Variants in RNF175 observed in about 807,000 individuals in gnomAD.
RNF175 encodes ring finger protein 175.
A neutral mutation model predicts 50.0 loss-of-function variants in RNF175; 38 were observed. The observed-to-expected ratio is 0.76, with a 90% CI of 0.59 to 1.00. The LOEUF (loss-of-function observed/expected upper bound fraction) is 1.00. Ranked by LOEUF, RNF175 falls within the 50% of genes least tolerant of loss-of-function variation. The pLI, the probability that RNF175 is intolerant of heterozygous loss-of-function variation, is 0.00. For synonymous variants in RNF175, 155 were observed against 146.1 expected (o/e 1.06, Z -0.44); for missense variants, 388 against 409.6 (o/e 0.95, Z 0.46).
chr4:153,715,564 G>A lies in RNF175; in HGVS notation c.729C>T (p.Leu243=). 4 of 1,611,030 alleles carry A rather than the reference G, an allele frequency of 2.5e-6. No individual in the cohort carries two copies. The highest frequency in any genetic ancestry group is 2.2e-5 in the South Asian group (2 of 90,484). The change falls in exon 7 of 9, where the codon CTC becomes CTT. Residue 243 remains leucine (L), a synonymous_variant. Coordinates refer to ENST00000347063, the MANE Select transcript of RNF175 (RefSeq NM_173662.4). The part of the protein sequence containing the change: ...KIIVELDEEG[L]IENTYQLSCN... ...AGGAAAGCTGGTAGGTGTTTTCAAT[G>A]AGCCCTTCTTCATCAAGCTCCACAA...
intron 4 of RNF175, among the ~76,000 whole-genome samples, chr4:153,723,892 G>A (rs555841377): frequency 6.6e-6 from 1 of 152,198 alleles, no homozygotes; most frequent in Non-Finnish European, 1.5e-5. Flanking sequence ...TCTTCCCCAG[G>A]AGTTTTTCTT....
At position 153,751,484 on chromosome 4, in the gene RNF175, C is replaced by G; in HGVS notation, c.67-9G>C. 1 of 1,552,994 alleles carries G rather than the reference C, an allele frequency of 6.4e-7. No homozygotes were observed. The highest frequency in any genetic ancestry group is 8.7e-7 in the Non-Finnish European group (1 of 1,147,814). The stretch of plus-strand genomic sequence containing the variant: ...AGCTTTGTATGAGAGAGCTGAAAAA[C>G]ATAAAAAGGGCCCTTATCAAAAAAT... On this transcript the variant is annotated splice_polypyrimidine_tract_variant and intron_variant, in intron 1 of 8. Coordinates refer to ENST00000347063, the MANE Select transcript of RNF175 (RefSeq NM_173662.4).
At chr4:153,746,068 G>A (rs1448171054) in intron 3 of RNF175, among the ~76,000 whole-genome samples, 1 of 152,162 alleles carries the variant, frequency 6.6e-6, no homozygotes, top group Non-Finnish European at 1.5e-5. Flanking sequence ...TCTAAATCAG[G>A]TATGGATGAG....
intron 7 of RNF175, chr4:153,713,894 A>G (rs2127086395): frequency 6.6e-6 from 1 of 152,354 alleles, no homozygotes; most frequent in South Asian, 2.1e-4. Context: ...AGAAATGTCC[A>G]CATTCTCTCT....
intron 6 of RNF175, among the ~76,000 whole-genome samples, chr4:153,719,345 C>T (rs894114999): frequency 6.6e-6 from 1 of 152,152 alleles, no homozygotes; most frequent in African/African-American, 2.4e-5. Flanking sequence ...TTTCTTTTTC[C>T]AGTCTATCAT....
intron 3 of RNF175, among the ~76,000 whole-genome samples, chr4:153,736,336 A>C (rs1739350690): frequency 6.6e-6 from 1 of 152,186 alleles, no homozygotes; most frequent in Admixed American, 6.5e-5. Flanking sequence ...TGTATAATTC[A>C]TTTTATACAT....
At chr4:153,712,075 T>C (rs1737624282) in intron 8 of RNF175, among the ~76,000 whole-genome samples, 2 of 152,328 alleles carry the variant, frequency 1.3e-5, no homozygotes, top group African/African-American at 4.8e-5. Flanking sequence ...CTAGTTCACA[T>C]TTCGGCTTTT....
intron 3 of RNF175, 186 bp downstream of exon 3, chr4:153,748,459 A>C: frequency 2.1e-6 from 1 of 485,314 alleles, no homozygotes; most frequent in Non-Finnish European, 3.5e-6. Flanking sequence ...AAGTCTTGAC[A>C]GTCAAAAATG....
At chr4:153,749,256 A>G (rs1222537985) in intron 2 of RNF175, among the ~76,000 whole-genome samples, 1 of 152,264 alleles carries the variant, frequency 6.6e-6, no homozygotes, top group Non-Finnish European at 1.5e-5. Flanking sequence ...AGGTTGTTGT[A>G]AGACTATAAA....
At chr4:153,744,195 G>A (rs1739840752) in intron 3 of RNF175, among the ~76,000 whole-genome samples, 1 of 152,200 alleles carries the variant, frequency 6.6e-6, no homozygotes, top group South Asian at 2.1e-4. Flanking sequence ...GCCAAGGCGG[G>A]TGGATCACCT....
intron 6 of RNF175, among the ~76,000 whole-genome samples, chr4:153,718,546 T>G (rs1053601965): frequency 3.3e-5 from 5 of 152,130 alleles, no homozygotes; most frequent in Admixed American, 3.3e-4. Flanking sequence ...CAAAAGCTGG[T>G]GCTTAAAGAC....
In RNF175 at chr4:153,712,131, C is replaced by G. The variant is rs189682135; in HGVS notation, c.866+344G>C. On this transcript the variant is annotated intron_variant, in intron 8 of 8. Coordinates refer to ENST00000347063, the MANE Select transcript of RNF175 (RefSeq NM_173662.4). ...TCTATTTATGCACCTATCTACCCAC[C>G]CATCCAGTTCACTCATTTATTCATC... Among the ~76,000 whole-genome samples, 454 of 152,248 alleles carry G rather than the reference C, an allele frequency of 3.0e-3. 5 individuals carry two copies. Among genetic ancestry groups the G allele is most frequent in the African/African-American group, 0.01 (431 of 41,536 alleles).
In RNF175 at chr4:153,720,241, T is replaced by G. The variant is rs1478455886; in HGVS notation, c.573A>C (p.Gly191=). ...TCTCGGCAAAGTCTCTCCCCATTAC[T>G]CCATAGTAGAGGCCGTAGAACAAAG... ...IVSLFYGLYY[G]VMGRDFAEIC... The change falls in exon 6 of 9, where the codon GGA becomes GGC. Residue 191 remains glycine (G), a synonymous_variant. Coordinates refer to ENST00000347063, the MANE Select transcript of RNF175 (RefSeq NM_173662.4). 6.2e-7 allele frequency: 1 copy of G among 1,612,126 alleles called. No homozygotes were observed. Among genetic ancestry groups the G allele is most frequent in the South Asian group, 1.1e-5 (1 of 90,982 alleles).
At chr4:153,735,044 T>C (rs1325677748) in intron 3 of RNF175, among the ~76,000 whole-genome samples, 2 of 152,150 alleles carry the variant, frequency 1.3e-5, no homozygotes, top group African/African-American at 4.8e-5. Context: ...ATTTATATTT[T>C]CTCTCATGGA....
chr4:153,726,207 T>G (rs1166311505), intron 4 of RNF175, among the ~76,000 whole-genome samples: 1 of 152,016 alleles, frequency 6.6e-6, no homozygotes, highest in Non-Finnish European at 1.5e-5. Flanking sequence ...TGGGTTCAAG[T>G]GATTCTCCTG....
intron 7 of RNF175, chr4:153,713,944 C>T (rs1737748706): frequency 6.6e-6 from 1 of 152,216 alleles, no homozygotes. Flanking sequence ...TGCTGAAAAA[C>T]TTGCACACTG....
rs781712674 is a variant in RNF175 at position 153,712,486 on chromosome 4, C to A, written c.855G>T (p.Met285Ile). ...GTTTTAAAGGATATGGATTACTGAT[C>A]ATCCTCTTCAAATCAACTTTCTCTT... ...YCKEKVDLKR[M>I]ISNPWERTHF... Residue 285 changes from methionine to isoleucine, a missense_variant, in exon 8 of 9, where the codon ATG (methionine) becomes ATT (isoleucine). Met to Ile is a conservative substitution (Grantham distance 10). Transcript: ENST00000347063. 1 of 1,590,802 alleles carries A rather than the reference C, an allele frequency of 6.3e-7. No homozygotes were observed. Among genetic ancestry groups the A allele is most frequent in the Admixed American group, 1.7e-5 (1 of 59,740 alleles).
At chr4:153,753,556 CTCTCT>C (rs750279807) in intron 1 of RNF175, among the ~76,000 whole-genome samples, 1,588 of 146,692 alleles carry the variant, frequency 0.011, 34 homozygotes, top group African/African-American at 0.039. Flanking sequence ...CTCTCTCTCT[CTCTCT>C]TTTTTTTTTT....
At chr4:153,718,226 G>GTTTTTTTTTTTTTTTTTTTTTT in intron 6 of RNF175, among the ~76,000 whole-genome samples, 1 of 30,542 alleles carries the variant, frequency 3.3e-5, no homozygotes, top group African/African-American at 8.2e-5. Flanking sequence ...TTGTTTGTTT[G>GTTTTTTTTTTTTTTTTTTTTTT]TTTGTTTGTT....
Sources: gnomAD v4.1 joint callset for allele counts (sites outside exome capture counted in the v4.1 genomes callset) on GRCh38, gnomAD v4.1.1 for gene constraint, MANE v1.5 for transcripts, NCBI Gene and HGNC (gene_info 2026-07-23, HGNC 2026-07-21) for gene names.